Variants in PPP2CB observed in about 807,000 individuals in gnomAD.
The protein encoded by PPP2CB is protein phosphatase 2 catalytic subunit beta, also known as serine/threonine-protein phosphatase 2A catalytic subunit beta isoform.
Under a neutral mutation model 39.1 loss-of-function variants are expected in PPP2CB, and 18 were observed. That is an observed-to-expected ratio of 0.46 (90% CI 0.32 to 0.68). The LOEUF is 0.68. Ranked by LOEUF, PPP2CB falls within the 30% of genes least tolerant of loss-of-function variation. The probability of loss-of-function intolerance (pLI) is 0.04; values close to 1 mark genes in which losing one functional copy is unlikely to be tolerated. For synonymous variants in PPP2CB, 129 were observed against 133.8 expected (o/e 0.96, Z 0.25); for missense variants, 226 against 396.9 (o/e 0.57, Z 3.66).
intron 3 of PPP2CB, among the ~76,000 whole-genome samples, chr8:30,795,277 G>A (rs898140544): frequency 1.3e-5 from 2 of 151,974 alleles, no homozygotes; most frequent in African/African-American, 4.8e-5. Flanking sequence ...CACCATGCCT[G>A]GCTAATTTTG....
chr8:30,785,794 G>A lies in PPP2CB; in HGVS notation c.*441C>T, dbSNP rs1806329500. ...CAAGAAGAACCTTTTCTTCAGTTAA[G>A]TTAATTATACATTTCAATAAAATAA... On this transcript the variant is annotated 3_prime_UTR_variant, in exon 7 of 7. Coordinates refer to ENST00000221138, the MANE Select transcript of PPP2CB (RefSeq NM_001009552.2). 6.7e-6 allele frequency: 2 copies of A among 296,686 alleles called. No individual in the cohort carries two copies. The highest frequency in any genetic ancestry group is 2.2e-5 in the African/African-American group (1 of 44,772). The allele number at this position is 296,686 out of a possible 1,614,324, so 18.4% of individuals were successfully genotyped here.
In PPP2CB at chr8:30,812,410, C is replaced by A; in HGVS notation, c.12G>T (p.Lys4Asn). 1.3e-6 allele frequency: 2 copies of A among 1,537,848 alleles called. No homozygotes were observed. Among genetic ancestry groups the A allele is most frequent in the South Asian group, 2.4e-5 (2 of 84,576 alleles). MDD[K>N]AFTKELDQWV... ...ACTGGTCCAGCTCCTTGGTGAACGC[C>A]TTGTCGTCCATGGCGGCCCGATCCC... is the stretch of plus-strand genomic sequence containing the variant. Residue 4 changes from lysine to asparagine, a missense_variant, in exon 1 of 7, where the codon AAG becomes AAT. Lys to Asn is a moderately conservative substitution (Grantham distance 94). This residue lies in a region of PPP2CB where 59 missense variants were observed against 42.6 expected (regional missense o/e 1.38). Transcript: ENST00000221138.
At chr8:30,799,424 A>AATT in intron 2 of PPP2CB, 122 bp downstream of exon 2, 1 of 771,362 alleles carries the variant, frequency 1.3e-6, no homozygotes, top group Non-Finnish European at 2.1e-6. Flanking sequence ...ATGTAAAACC[A>AATT]ATTATTATTT....
In PPP2CB at chr8:30,812,333, G is replaced by T. The variant is rs1806850592; in HGVS notation, c.89C>A (p.Thr30Lys). 3 of 1,541,096 alleles carry T rather than the reference G, an allele frequency of 1.9e-6. No individual in the cohort carries two copies. The highest frequency in any genetic ancestry group is 2.6e-6 in the Non-Finnish European group (3 of 1,140,512). Residue 30 changes from threonine (T) to lysine (K), a missense_variant, in exon 1 of 7, where the codon ACG becomes AAG. Physicochemically the swap from Thr to Lys is moderately conservative, Grantham distance 78 (BLOSUM62 -1). This residue lies in a region of PPP2CB where 59 missense variants were observed against 42.6 expected (regional missense o/e 1.38). Transcript: ENST00000221138. ...CKQLNENQVR[T>K]LCEKAKEILT... ...CGGCGCCCTCACCTTCTCGCACAGC[G>T]TCCGCACTTGGTTCTCGTTCAGCTG...
chr8:30,793,812 T>C lies in PPP2CB; in HGVS notation c.738+105A>G, dbSNP rs1017258723. ...CCAGCAAGTTTTTCCTCTTTTCACC[T>C]AGGTAATAAATGGTGAGGAATGTTT... is the stretch of plus-strand genomic sequence containing the variant. On this transcript the variant is annotated intron_variant, in intron 5 of 6. Transcript: ENST00000221138. The C allele has an allele frequency of 3.1e-6, 4 of 1,291,466 alleles. No homozygotes were observed. In the African/African-American group the frequency reaches 6.0e-5, roughly 19 times the overall value. 80.0% of individuals were successfully genotyped at this position (1,291,466 alleles called of 1,614,324 possible).
chr8:30,794,344 G>T, intron 3 of PPP2CB, 63 bp from the exon 4 acceptor site: 2 of 1,335,866 alleles, frequency 1.5e-6, no homozygotes, highest in Non-Finnish European at 2.1e-6. Flanking sequence ...TTAACAAAGA[G>T]TAAATAATGG....
At chr8:30,794,576 C>A in intron 3 of PPP2CB, 1 of 301,274 alleles carries the variant, frequency 3.3e-6, no homozygotes, top group Non-Finnish European at 6.1e-6. Context: ...TTTTTTTCTC[C>A]CTCCCCACTT....
chr8:30,799,370 C>T (rs960152771), intron 2 of PPP2CB, among the ~76,000 whole-genome samples, 176 bp downstream of exon 2: 2 of 152,114 alleles, frequency 1.3e-5, no homozygotes, highest in African/African-American at 2.4e-5. Context: ...ATACATTTAT[C>T]GGGAATACAC....
At chr8:30,812,279 C>G in intron 1 of PPP2CB, 41 bp downstream of exon 1, 1 of 1,434,684 alleles carries the variant, frequency 7.0e-7, no homozygotes, top group South Asian at 1.3e-5. Context: ...GCGGCCCGTC[C>G]CAGCCCCGCG....
Position 30,786,031 on chromosome 8 carries a change from T to C in PPP2CB, c.*204A>G, listed in dbSNP as rs773010456. On this transcript the variant is annotated 3_prime_UTR_variant, in exon 7 of 7. Coordinates refer to ENST00000221138, the MANE Select transcript of PPP2CB (RefSeq NM_001009552.2). ...CAAACTGTTAGACTGACCTAGAACA[T>C]AGTGTACTAAATTTCAGTCTCAAAT... The C allele has an allele frequency of 2.8e-5, 18 of 642,648 alleles. No individual in the cohort carries two copies. The highest frequency in any genetic ancestry group is 8.3e-5 in the South Asian group (5 of 60,532). The allele number at this position is 642,648 out of a possible 1,614,324, so 39.8% of individuals were successfully genotyped here.
chr8:30,787,861 C>A (rs1183986167), intron 6 of PPP2CB, among the ~76,000 whole-genome samples: 1 of 152,154 alleles, frequency 6.6e-6, no homozygotes, highest in Admixed American at 6.5e-5. Flanking sequence ...AGCCACCATG[C>A]TGGCTCAATA....
intron 4 of PPP2CB, 33 bp downstream of exon 4, chr8:30,794,159 T>G: frequency 6.2e-7 from 1 of 1,608,390 alleles, no homozygotes; most frequent in Non-Finnish European, 8.5e-7. Context: ...ATATTTTCTT[T>G]TCCTTTCTTC....
Position 30,797,610 on chromosome 8 carries a change from G to A in PPP2CB, c.457C>T (p.Leu153Phe). The A allele has an allele frequency of 6.2e-7, 1 of 1,613,798 alleles. No homozygotes were observed. The highest frequency in any genetic ancestry group is 8.5e-7 in the Non-Finnish European group (1 of 1,179,762). The change falls in exon 3 of 7, where the codon CTT (leucine) becomes TTT (phenylalanine). Residue 153 changes from leucine to phenylalanine, a missense_variant. Leu to Phe is a conservative substitution (Grantham distance 22). Around this residue, in one of 4 missense-constraint regions of PPP2CB, gnomAD observed 110 missense variants for 244.1 expected, o/e 0.45. Coordinates refer to ENST00000221138, the MANE Select transcript of PPP2CB (RefSeq NM_001009552.2). ...CCATCTACTAAAGCTGTAAGTGGAA[G>A]ATAATCAAAGAGATCTGTAAAATAT... ...WKYFTDLFDYLPLTALVDGQI... is the reference protein window; with the variant it reads ...WKYFTDLFDYFPLTALVDGQI...
chr8:30,797,284 T>C (rs1266708384), intron 3 of PPP2CB, among the ~76,000 whole-genome samples: 1 of 152,276 alleles, frequency 6.6e-6, no homozygotes, highest in Non-Finnish European at 1.5e-5. Context: ...GCTAGTACTA[T>C]ACATCAGTGT....
At chr8:30,801,771 T>G (rs1208513118) in intron 1 of PPP2CB, among the ~76,000 whole-genome samples, 1 of 152,174 alleles carries the variant, frequency 6.6e-6, no homozygotes, top group Non-Finnish European at 1.5e-5. Flanking sequence ...TGTAGCGATT[T>G]TCAAAACACA....
At chr8:30,804,283 C>T (rs1806681187) in intron 1 of PPP2CB, among the ~76,000 whole-genome samples, 1 of 152,160 alleles carries the variant, frequency 6.6e-6, no homozygotes, top group Non-Finnish European at 1.5e-5. Context: ...TCAGAATTTG[C>T]TATGGAATAA....
rs914812207 is a variant in PPP2CB at position 30,785,827 on chromosome 8, T to C, written c.*408A>G. ...TACATTTCAATAAAATAAAGGATAATGGATTAGTGGAAGTTAGCTTGTGAA... is the reference window on the plus strand; with the variant it reads ...TACATTTCAATAAAATAAAGGATAACGGATTAGTGGAAGTTAGCTTGTGAA... On this transcript the variant is annotated 3_prime_UTR_variant, in exon 7 of 7. Transcript: ENST00000221138. The C allele has an allele frequency of 1.6e-5, 5 of 322,310 alleles. No homozygotes were observed. Among genetic ancestry groups the C allele is most frequent in the Non-Finnish European group, 2.4e-5 (4 of 165,090 alleles). The allele number at this position is 322,310 out of a possible 1,614,324, so 20.0% of individuals were successfully genotyped here.
intron 3 of PPP2CB, among the ~76,000 whole-genome samples, chr8:30,795,793 T>C (rs1007997890): frequency 6.6e-6 from 1 of 152,250 alleles, no homozygotes; most frequent in Non-Finnish European, 1.5e-5. Context: ...GTAAGCTTCA[T>C]TCAGCTTTTC....
At chr8:30,797,787 T>C in intron 2 of PPP2CB, 33 bp from the exon 3 acceptor site, 2 of 1,599,264 alleles carry the variant, frequency 1.3e-6, no homozygotes, top group East Asian at 2.2e-5. Flanking sequence ...CATAGTAAAA[T>C]CACATTTTTA....
Sources: allele counts gnomAD v4.1 joint callset (sites outside exome capture counted in the v4.1 genomes callset), GRCh38; gene constraint gnomAD v4.1.1; regional missense constraint gnomAD v4.1.1; transcripts MANE v1.5; gene names NCBI Gene and HGNC (gene_info 2026-07-23, HGNC 2026-07-21).